SELENOO: variants seen among roughly 807,000 people sequenced by gnomAD.
SELENOO encodes protein adenylyltransferase SelO, mitochondrial.
SELENOO carries 74 observed loss-of-function variants against 58.7 expected under a neutral mutation model. The ratio of observed to expected loss-of-function variants is 1.26; its 90% CI spans 1.04 to 1.53. SELENOO has a LOEUF of 1.53. Among genes scored for constraint, SELENOO ranks in the 40% most tolerant of loss-of-function variants. SELENOO has a pLI of 0.00. For missense variants in SELENOO, 1,149 were observed against 970.0 expected (o/e 1.18, Z -2.45); for synonymous variants, 543 against 453.2 (o/e 1.20, Z -2.52).
At chr22:50,204,329 G>C (rs780430680) in intron 1 of SELENOO, among the ~76,000 whole-genome samples, 2 of 152,026 alleles carry the variant, frequency 1.3e-5, no homozygotes, top group Admixed American at 6.6e-5. Context: ...AGACTGTCTC[G>C]GAAAAATAAA....
chr22:50,217,180 C>T (rs1407444055), intron 8 of SELENOO, 25 bp from the exon 9 acceptor site: 1 of 1,611,178 alleles, frequency 6.2e-7, no homozygotes, highest in South Asian at 1.1e-5. Flanking sequence ...GGCCCCAGAC[C>T]CCTCTCACCC....
intron 5 of SELENOO, among the ~76,000 whole-genome samples, chr22:50,215,260 G>A (rs1478754721): frequency 6.6e-6 from 1 of 152,120 alleles, no homozygotes; most frequent in Non-Finnish European, 1.5e-5. Context: ...TGTGAGGGCC[G>A]GGCAGCAGCC....
intron 5 of SELENOO, among the ~76,000 whole-genome samples, chr22:50,211,674 C>T (rs1316724248): frequency 2.6e-5 from 4 of 152,126 alleles, no homozygotes; most frequent in East Asian, 3.8e-4. Context: ...ATAAATTTTA[C>T]TTGGTCCTTT....
intron 5 of SELENOO, 151 bp downstream of exon 5, chr22:50,211,062 A>T (rs145484074): frequency 2.5e-6 from 2 of 801,130 alleles, no homozygotes; most frequent in African/African-American, 1.7e-5. Flanking sequence ...TGTCTTTATG[A>T]ATTTGGTGAA....
At chr22:50,202,219 AGT>A (rs2064307475) in intron 1 of SELENOO, among the ~76,000 whole-genome samples, 1 of 151,668 alleles carries the variant, frequency 6.6e-6, no homozygotes, top group Non-Finnish European at 1.5e-5. Context: ...TGACTAGGAA[AGT>A]GTACATTTTA....
intron 5 of SELENOO, among the ~76,000 whole-genome samples, chr22:50,215,188 C>T (rs926105087): frequency 4.6e-5 from 7 of 152,158 alleles, no homozygotes; most frequent in Admixed American, 2.6e-4. Context: ...CTTTTGCAGG[C>T]GGGTTACAGC....
In SELENOO at chr22:50,217,125, A is replaced by G; in HGVS notation, c.1842A>G (p.Ser614=). 1.2e-6 allele frequency: 2 copies of G among 1,612,816 alleles called. No individual in the cohort carries two copies. Among genetic ancestry groups the G allele is most frequent in the East Asian group, 2.2e-5 (1 of 44,856 alleles). ...AGGCTGCCGAGCGCGGGGACTTCTCAGAGGCAAGCACACGCCTGTCCCTGT... is the reference window on the plus strand; with the variant it reads ...AGGCTGCCGAGCGCGGGGACTTCTCGGAGGCAAGCACACGCCTGTCCCTGT... ...AIEAAERGDF[S]EVRRVLKLLE... Residue 614 remains serine, a synonymous_variant, in exon 8 of 9, where the codon TCA becomes TCG. Coordinates refer to ENST00000380903, the MANE Select transcript of SELENOO (RefSeq NM_031454.2).
chr22:50,204,869 A>G (rs764194570), intron 1 of SELENOO, among the ~76,000 whole-genome samples: 1 of 152,270 alleles, frequency 6.6e-6, no homozygotes. Context: ...CAGCAGGTGA[A>G]TGGATTAAAT....
chr22:50,201,133 T>TC lies in SELENOO; in HGVS notation c.97_98insC (p.Leu33SerfsTer201). ...CCCGTCGCCGGCGCCCCGCTCTACG[T>TC]TGTCGGGCGCCGCCATGGAGCCCGC... is the stretch of plus-strand genomic sequence containing the variant. On this transcript the variant is annotated frameshift_variant, in exon 1 of 9. Transcript: ENST00000380903. LOFTEE classifies it high-confidence loss of function. The TC allele has an allele frequency of 7.6e-7, 1 of 1,313,740 alleles. No individual in the cohort carries two copies. The highest frequency in any genetic ancestry group is 9.7e-7 in the Non-Finnish European group (1 of 1,034,244). The allele number at this position is 1,313,740 out of a possible 1,614,324, so 81.4% of individuals were successfully genotyped here. A position where few individuals can be genotyped will look rare whatever the true frequency, so the allele number is the denominator to read the frequency against.
chr22:50,217,094 C>A lies in SELENOO; in HGVS notation c.1811C>A (p.Ala604Asp). 1 of 1,612,970 alleles carries A rather than the reference C, an allele frequency of 6.2e-7. No individual in the cohort carries two copies. The highest frequency in any genetic ancestry group is 8.5e-7 in the Non-Finnish European group (1 of 1,179,924). ...CTGAGGAACTACATCGCGCAGAATG[C>A]CATCGAGGCTGCCGAGCGCGGGGAC... ...YVLRNYIAQN[A>D]IEAAERGDFS... Residue 604 changes from alanine (A) to aspartate (D), a missense_variant, in exon 8 of 9, where the codon GCC becomes GAC. Physicochemically the swap from Ala to Asp is moderately radical, Grantham distance 126. Transcript: ENST00000380903.
rs191474007 is a variant in SELENOO at position 50,202,676 on chromosome 22, C to G, written c.554+1086C>G. Among the ~76,000 whole-genome samples, 4 of 152,096 alleles carry G rather than the reference C, an allele frequency of 2.6e-5. No individual in the cohort carries two copies. In the East Asian group the frequency reaches 7.7e-4, roughly 29 times the overall value. ...AGACAATTTTTTTTATGAGAGTAAT[C>G]TGTCGCTGGAAGACACTTTTTATGT... On this transcript the variant is annotated intron_variant, in intron 1 of 8. Transcript: ENST00000380903.
At chr22:50,208,482 C>A in intron 2 of SELENOO, 54 bp from the exon 3 acceptor site, 3 of 1,489,976 alleles carry the variant, frequency 2.0e-6, no homozygotes, top group Non-Finnish European at 2.7e-6. Flanking sequence ...TTCTTATTTT[C>A]ACAAGGGGCT....
Position 50,217,068 on chromosome 22 carries a change from G to A in SELENOO, c.1785G>A (p.Val595=), listed in dbSNP as rs2064421646. 5 of 1,612,872 alleles carry A rather than the reference G, an allele frequency of 3.1e-6. No homozygotes were observed. Among genetic ancestry groups the A allele is most frequent in the Non-Finnish European group, 4.2e-6 (5 of 1,179,968 alleles). The change falls in exon 8 of 9, where the codon GTG becomes GTA. Residue 595 remains valine, a synonymous_variant. Coordinates refer to ENST00000380903, the MANE Select transcript of SELENOO (RefSeq NM_031454.2). ...RVMHANNPKY[V]LRNYIAQNAI... ...TGCACGCCAACAACCCGAAGTACGT[G>A]CTGAGGAACTACATCGCGCAGAATG...
At chr22:50,206,191 C>A in intron 1 of SELENOO, 126 bp from the exon 2 acceptor site, 1 of 750,724 alleles carries the variant, frequency 1.3e-6, no homozygotes, top group Non-Finnish European at 2.2e-6. Flanking sequence ...CTGGGACGGG[C>A]GGTTTTCAGG....
At chr22:50,216,403 C>T (rs1016814148) in intron 6 of SELENOO, among the ~76,000 whole-genome samples, 3 of 152,258 alleles carry the variant, frequency 2.0e-5, no homozygotes, top group African/African-American at 7.2e-5. Context: ...AGTGCCCATC[C>T]CACAAGCATT....
rs769838015 is a variant in SELENOO at position 50,206,355 on chromosome 22, G to A, written c.593G>A (p.Arg198Gln). ...DGRKVLRSSI[R>Q]EFLCSEAMFH... ...CGCAAGGTCCTACGGTCAAGCATCC[G>A]GGAGTTTCTATGCAGCGAAGCCATG... is the stretch of plus-strand genomic sequence containing the variant. The change falls in exon 2 of 9, where the codon CGG becomes CAG. Residue 198 changes from arginine to glutamine, a missense_variant. Arg to Gln is a conservative substitution (Grantham distance 43). Transcript: ENST00000380903. 1.4e-5 allele frequency: 22 copies of A among 1,614,070 alleles called. No homozygotes were observed. Among genetic ancestry groups the A allele is most frequent in the East Asian group, 2.2e-5 (1 of 44,888 alleles).
At chr22:50,202,812 C>A (rs769411068) in intron 1 of SELENOO, among the ~76,000 whole-genome samples, 1 of 152,226 alleles carries the variant, frequency 6.6e-6, no homozygotes, top group Non-Finnish European at 1.5e-5. Flanking sequence ...TGCCTGACAT[C>A]CCCACACGTG....
chr22:50,209,858 G>C (rs1242132294), intron 3 of SELENOO, among the ~76,000 whole-genome samples: 1 of 152,192 alleles, frequency 6.6e-6, no homozygotes. Context: ...CCTGGGGCAG[G>C]TGTGGCCCCT....
rs533556408 is a variant in SELENOO, at chr22:50,208,012, A to T, written c.759-524A>T. ...CAGACTGTGCAGACAGGGCCTGGTC[A>T]GTGGCTGGATGTTGACCAAACGTGG... On this transcript the variant is annotated intron_variant, in intron 2 of 8. Coordinates refer to ENST00000380903, the MANE Select transcript of SELENOO (RefSeq NM_031454.2). 2.0e-5 allele frequency among the ~76,000 whole-genome samples: 3 copies of T among 151,196 alleles called. No individual in the cohort carries two copies. In the South Asian group the frequency reaches 6.4e-4, roughly 32 times the overall value.
Sources: gnomAD v4.1 joint callset for allele counts (sites outside exome capture counted in the v4.1 genomes callset) on GRCh38, gnomAD v4.1.1 for gene constraint, MANE v1.5 for transcripts, NCBI Gene and HGNC (gene_info 2026-07-23, HGNC 2026-07-21) for gene names.